The following KCNIP4 variants were observed in gnomAD, a reference collection of about 807,000 sequenced individuals.
KCNIP4 encodes potassium voltage-gated channel interacting protein 4.
Under a neutral mutation model 34.0 loss-of-function variants are expected in KCNIP4, and 12 were observed. The observed-to-expected ratio is 0.35, with a 90% CI of 0.23 to 0.57. The LOEUF (loss-of-function observed/expected upper bound fraction) is 0.57. Among genes scored for constraint, KCNIP4 ranks in the 20% least tolerant of loss-of-function variants. The pLI, the probability that KCNIP4 is intolerant of heterozygous loss-of-function variation, is 0.83. For synonymous variants in KCNIP4, 124 were observed against 102.2 expected (o/e 1.21, Z -1.29); for missense variants, 238 against 311.7 (o/e 0.76, Z 1.78).
chr4:21,298,321 T>G (rs554531157), intron 1 of KCNIP4, among the ~76,000 whole-genome samples: 1 of 152,148 alleles, frequency 6.6e-6, no homozygotes, highest in African/African-American at 2.4e-5. Flanking sequence ...TAAAACCCAA[T>G]TGATGCTTGT....
At chr4:21,081,259 C>A (rs933162686) in intron 1 of KCNIP4, among the ~76,000 whole-genome samples, 2 of 151,756 alleles carry the variant, frequency 1.3e-5, no homozygotes, top group African/African-American at 4.9e-5. Flanking sequence ...CAAGGCCTAG[C>A]TGATTATTGT....
intron 1 of KCNIP4, among the ~76,000 whole-genome samples, chr4:21,579,963 A>G (rs1490218009): frequency 6.6e-6 from 1 of 152,126 alleles, no homozygotes; most frequent in African/African-American, 2.4e-5. Context: ...ATTGAACATT[A>G]CAACGAGAAT....
At chr4:20,993,548 G>A (rs765908188) in intron 1 of KCNIP4, among the ~76,000 whole-genome samples, 2 of 152,178 alleles carry the variant, frequency 1.3e-5, no homozygotes, top group Admixed American at 6.5e-5. Context: ...AGAGGAAGAA[G>A]AAAAGTTTCC....
In KCNIP4 at chr4:21,614,951, G is replaced by A. The variant is rs115606406; in HGVS notation, c.61+333620C>T. 3.5e-3 allele frequency among the ~76,000 whole-genome samples: 538 copies of A among 152,172 alleles called. 2 individuals are homozygous for A. Among genetic ancestry groups the A allele is most frequent in the African/African-American group, 0.012 (518 of 41,528 alleles). ...TCTGAAGCCATCCTGCAACTCTCAC[G>A]AGTCATCTGCTCTGAAGTAGAGCAC... On this transcript the variant is annotated intron_variant, in intron 1 of 8. Coordinates refer to ENST00000382152, the MANE Select transcript of KCNIP4 (RefSeq NM_025221.6).
At chr4:21,726,595 G>C (rs1005998683) in intron 1 of KCNIP4, among the ~76,000 whole-genome samples, 1 of 152,160 alleles carries the variant, frequency 6.6e-6, no homozygotes, top group Non-Finnish European at 1.5e-5. Context: ...TTCAGGAAAT[G>C]TTTGCTAAGA....
intron 1 of KCNIP4, among the ~76,000 whole-genome samples, chr4:21,015,780 AATATATAAAT>A (rs1047249538): frequency 5.1e-4 from 70 of 136,678 alleles, no homozygotes; most frequent in African/African-American, 1.7e-3. Flanking sequence ...TACATTTATA[AATATATAAAT>A]ATATATAAAT....
chr4:21,343,835 C>T (rs1431806295), intron 1 of KCNIP4, among the ~76,000 whole-genome samples: 2 of 152,038 alleles, frequency 1.3e-5, no homozygotes, highest in Admixed American at 1.3e-4. Flanking sequence ...TTCCTATGTG[C>T]CAGTTATAGT....
intron 3 of KCNIP4, among the ~76,000 whole-genome samples, chr4:20,811,964 A>AT (rs1715823246): frequency 6.6e-6 from 1 of 152,178 alleles, no homozygotes; most frequent in South Asian, 2.1e-4. Context: ...AGAAAAGAAT[A>AT]TACCCTAAGA....
chr4:21,559,790 G>T (rs187873513), intron 1 of KCNIP4, among the ~76,000 whole-genome samples: 9 of 152,154 alleles, frequency 5.9e-5, no homozygotes, highest in Middle Eastern at 3.4e-3. Context: ...TGATATTTTA[G>T]GGGCAGAAAT....
intron 1 of KCNIP4, among the ~76,000 whole-genome samples, chr4:20,980,429 T>C (rs1224752599): frequency 6.6e-6 from 1 of 152,256 alleles, no homozygotes; most frequent in African/African-American, 2.4e-5. Context: ...GTTGTTTTGA[T>C]CTTCTTTACA....
In KCNIP4 at chr4:21,361,413, A is replaced by G. The variant is rs148308635; in HGVS notation, c.62-478704T>C. Among the ~76,000 whole-genome samples, 241 of 152,162 alleles carry G rather than the reference A, an allele frequency of 1.6e-3. 5 individuals are homozygous for G. Among genetic ancestry groups the G allele is most frequent in the African/African-American group, 5.4e-3 (225 of 41,526 alleles). On this transcript the variant is annotated intron_variant, in intron 1 of 8. Coordinates refer to ENST00000382152, the MANE Select transcript of KCNIP4 (RefSeq NM_025221.6). The stretch of plus-strand genomic sequence containing the variant: ...CATTGTTCTTATCTGCCCCCTGACA[A>G]TATTTGTATCAGCAATCTCTGCTAC...
chr4:21,316,788 C>T (rs1469324731), intron 1 of KCNIP4, among the ~76,000 whole-genome samples: 1 of 152,190 alleles, frequency 6.6e-6, no homozygotes, highest in Non-Finnish European at 1.5e-5. Context: ...AATGATGCTT[C>T]TTCCTCCTGT....
chr4:21,759,057 T>C (rs1366823270), intron 1 of KCNIP4, among the ~76,000 whole-genome samples: 1 of 152,182 alleles, frequency 6.6e-6, no homozygotes, highest in African/African-American at 2.4e-5. Context: ...GTATTACTCA[T>C]GACATTGACA....
chr4:21,281,508 C>A (rs1383048045), intron 1 of KCNIP4, among the ~76,000 whole-genome samples: 4 of 152,156 alleles, frequency 2.6e-5, no homozygotes, highest in African/African-American at 7.2e-5. Context: ...GTGACAGACT[C>A]ACTGTGAAGA....
At chr4:21,692,410 C>G (rs912157089) in intron 1 of KCNIP4, among the ~76,000 whole-genome samples, 1 of 152,158 alleles carries the variant, frequency 6.6e-6, no homozygotes, top group Non-Finnish European at 1.5e-5. Context: ...ACAAACGTCC[C>G]TTTAATCCTG....
chr4:21,351,132 G>C (rs924595975), intron 1 of KCNIP4, among the ~76,000 whole-genome samples: 1 of 152,096 alleles, frequency 6.6e-6, no homozygotes, highest in South Asian at 2.1e-4. Flanking sequence ...AGAGCCTTCT[G>C]GTAAATTAAA....
intron 1 of KCNIP4, among the ~76,000 whole-genome samples, chr4:21,662,165 A>AC (rs1748502571): frequency 6.6e-6 from 1 of 152,218 alleles, no homozygotes; most frequent in Non-Finnish European, 1.5e-5. Flanking sequence ...TTAAAGAAAT[A>AC]CAAAGCAGAG....
intron 1 of KCNIP4, among the ~76,000 whole-genome samples, chr4:21,063,735 T>C (rs2108978286): frequency 6.6e-6 from 1 of 152,246 alleles, no homozygotes; most frequent in South Asian, 2.1e-4. Flanking sequence ...GGATAGACTC[T>C]AACTTTTATC....
At chr4:21,447,159 TTTATC>T (rs1372299961) in intron 1 of KCNIP4, among the ~76,000 whole-genome samples, 11 of 152,168 alleles carry the variant, frequency 7.2e-5, no homozygotes, top group African/African-American at 1.7e-4. Context: ...CATCCATACT[TTTATC>T]TTTATCTTTA....
Sources: allele counts gnomAD v4.1 joint callset (sites outside exome capture counted in the v4.1 genomes callset), GRCh38; gene constraint gnomAD v4.1.1; transcripts MANE v1.5; gene names NCBI Gene and HGNC (gene_info 2026-07-23, HGNC 2026-07-21).